Variants in CSMD1 observed in about 807,000 individuals in gnomAD.
CSMD1 encodes the protein CUB and sushi domain-containing protein 1.
Under a neutral mutation model 417.5 loss-of-function variants are expected in CSMD1, and 213 were observed. The observed-to-expected ratio is 0.51, with a 90% CI of 0.46 to 0.57. The LOEUF is 0.57. Among genes scored for constraint, CSMD1 ranks in the 20% least tolerant of loss-of-function variants. The pLI is 0.00. For missense variants in CSMD1, 6,923 were observed against 4,529.7 expected (o/e 1.53, Z -15.17); for synonymous variants, 2,862 against 1,736.8 (o/e 1.65, Z -16.11).
chr8:4,126,120 G>C (rs1802750285), intron 3 of CSMD1, among the ~76,000 whole-genome samples: 1 of 151,782 alleles, frequency 6.6e-6, no homozygotes, highest in African/African-American at 2.4e-5. Flanking sequence ...GACCCCCTGT[G>C]ATTTCATCTT....
At chr8:3,219,467 T>G (rs753800975) in intron 28 of CSMD1, 25 bp from the exon 29 acceptor site, 3 of 1,396,598 alleles carry the variant, frequency 2.1e-6, no homozygotes, top group African/African-American at 3.0e-5. Flanking sequence ...AGTAATTATG[T>G]CATACGGCTA....
intron 2 of CSMD1, among the ~76,000 whole-genome samples, chr8:4,428,319 C>T (rs1037851826): frequency 9.2e-5 from 14 of 152,186 alleles, no homozygotes; most frequent in Admixed American, 2.0e-4. Context: ...TAACGAGTCC[C>T]AACACCTTTC....
At position 3,142,484 on chromosome 8, in the gene CSMD1, T is replaced by C. The variant is rs1034620328; in HGVS notation, c.6222A>G (p.Gly2074=). 1.2e-6 allele frequency: 2 copies of C among 1,613,628 alleles called. No individual in the cohort carries two copies. The highest frequency in any genetic ancestry group is 2.7e-5 in the African/African-American group (2 of 74,908). Residue 2074 remains glycine, a synonymous_variant, in exon 41 of 70, where the codon GGA becomes GGG. Coordinates refer to ENST00000635120, the MANE Select transcript of CSMD1 (RefSeq NM_033225.6). The part of the protein sequence containing the change: ...FYSDHSQNRQ[G]FKLAYQAYEL... ...CCATACCTTGGTAAGCAAGTTTAAA[T>C]CCTTGCCGGTTTTGCGAATGGTCAC...
intron 1 of CSMD1, among the ~76,000 whole-genome samples, chr8:4,922,334 T>C (rs1360837216): frequency 6.6e-6 from 1 of 152,176 alleles, no homozygotes; most frequent in Non-Finnish European, 1.5e-5. Context: ...TCCCACCCCA[T>C]CTCAAACTAG....
At chr8:3,394,044 A>T (rs1489688843) in intron 17 of CSMD1, among the ~76,000 whole-genome samples, 9 of 131,864 alleles carry the variant, frequency 6.8e-5, no homozygotes, top group Non-Finnish European at 8.2e-5. Context: ...ATATATATAT[A>T]TATATATATA....
At chr8:4,878,438 C>T in intron 1 of CSMD1, among the ~76,000 whole-genome samples, 1 of 151,766 alleles carries the variant, frequency 6.6e-6, no homozygotes, top group Non-Finnish European at 1.5e-5. Context: ...TAAAAATGTC[C>T]TTGTGGGTTT....
At chr8:3,757,173 C>T (rs956388801) in intron 5 of CSMD1, among the ~76,000 whole-genome samples, 1 of 152,202 alleles carries the variant, frequency 6.6e-6, no homozygotes, top group Non-Finnish European at 1.5e-5. Context: ...CCACCACCTA[C>T]ACCCACATCC....
At chr8:4,775,530 C>G (rs17071280) in intron 1 of CSMD1, among the ~76,000 whole-genome samples, 29,747 of 152,052 alleles carry the variant, frequency 0.2, 3,324 homozygotes, top group African/African-American at 0.31. Flanking sequence ...GGGTTCCTAT[C>G]AGAAGGACCA....
chr8:3,304,714 AT>A (rs907355803), intron 25 of CSMD1, among the ~76,000 whole-genome samples: 3 of 64,614 alleles, frequency 4.6e-5, no homozygotes, highest in East Asian at 2.7e-4. Flanking sequence ...TTATTCAAAT[AT>A]TTTTTTATTT....
At chr8:4,736,436 C>G (rs1299836888) in intron 1 of CSMD1, among the ~76,000 whole-genome samples, 3 of 151,976 alleles carry the variant, frequency 2.0e-5, no homozygotes, top group Non-Finnish European at 2.9e-5. Context: ...TTTGCATGAA[C>G]AGAGAGAAGC....
intron 7 of CSMD1, among the ~76,000 whole-genome samples, chr8:3,677,566 G>C (rs529224061): frequency 2.6e-5 from 4 of 152,124 alleles, no homozygotes; most frequent in African/African-American, 7.2e-5. Flanking sequence ...GAAGGGTTTG[G>C]AGATGTCTTA....
intron 3 of CSMD1, among the ~76,000 whole-genome samples, chr8:4,226,010 C>T (rs1187073924): frequency 1.3e-5 from 2 of 150,362 alleles, no homozygotes; most frequent in African/African-American, 4.9e-5. Context: ...ATAAATTTTC[C>T]CATGAATATT....
At chr8:3,934,815 C>T (rs1810375273) in intron 5 of CSMD1, among the ~76,000 whole-genome samples, 1 of 152,072 alleles carries the variant, frequency 6.6e-6, no homozygotes, top group African/African-American at 2.4e-5. Context: ...CCACTGCACT[C>T]CAGCCTGGGC....
At chr8:3,417,294 T>G (rs1813218787) in intron 12 of CSMD1, among the ~76,000 whole-genome samples, 1 of 152,236 alleles carries the variant, frequency 6.6e-6, no homozygotes. Flanking sequence ...CAGAAAACAC[T>G]CTGCTGTAGC....
rs534147094 is a variant in CSMD1, at chr8:3,178,481, G to A, written c.5725+2629C>T. 3.3e-5 allele frequency among the ~76,000 whole-genome samples: 5 copies of A among 152,126 alleles called. No homozygotes were observed. The South Asian group carries it at 1.0e-3, about 32-fold the overall frequency. Reference sequence around the variant, plus strand: ...CATCTATACGTCACCTTCCTGGTAGGGTAGTCTGGATACCTCGCAAGGTGC... The same window carrying A: ...CATCTATACGTCACCTTCCTGGTAGAGTAGTCTGGATACCTCGCAAGGTGC... On this transcript the variant is annotated intron_variant, in intron 37 of 69. Transcript: ENST00000635120.
intron 1 of CSMD1, among the ~76,000 whole-genome samples, chr8:4,962,235 G>T (rs748871808): frequency 1.3e-5 from 2 of 151,340 alleles, no homozygotes; most frequent in Admixed American, 1.3e-4. Flanking sequence ...GTTGGAGACA[G>T]AGACTCACTC....
intron 1 of CSMD1, among the ~76,000 whole-genome samples, chr8:4,816,023 G>A (rs1407443167): frequency 2.6e-5 from 4 of 152,156 alleles, no homozygotes; most frequent in Non-Finnish European, 4.4e-5. Flanking sequence ...ATTAAGGAAA[G>A]CAGGTGCAGA....
At chr8:3,272,692 A>C (rs1374835568) in intron 26 of CSMD1, among the ~76,000 whole-genome samples, 2 of 142,086 alleles carry the variant, frequency 1.4e-5, no homozygotes, top group Non-Finnish European at 3.1e-5. Context: ...TCTTCGAAGC[A>C]ATTGTGAATG....
intron 3 of CSMD1, among the ~76,000 whole-genome samples, chr8:4,383,236 T>C (rs542724249): frequency 6.6e-6 from 1 of 152,282 alleles, no homozygotes; most frequent in East Asian, 1.9e-4. Context: ...GTTTTGGAAG[T>C]AGATTCTGAG....
Sources: allele counts gnomAD v4.1 joint callset (sites outside exome capture counted in the v4.1 genomes callset), GRCh38; gene constraint gnomAD v4.1.1; transcripts MANE v1.5; gene names NCBI Gene and HGNC (gene_info 2026-07-23, HGNC 2026-07-21).